Variants in LRRC37A3 observed in about 807,000 individuals in gnomAD.
LRRC37A3 encodes the protein leucine rich repeat containing 37 member A3, also known as leucine-rich repeat-containing protein 37A3.
Under a neutral mutation model 106.2 loss-of-function variants are expected in LRRC37A3, and 25 were observed. The ratio of observed to expected loss-of-function variants is 0.24; its 90% CI spans 0.17 to 0.33. LRRC37A3 has a LOEUF of 0.33. Among genes scored for constraint, LRRC37A3 ranks in the 10% least tolerant of loss-of-function variants. LRRC37A3 has a pLI of 1.00. For synonymous variants in LRRC37A3, 305 were observed against 635.8 expected (o/e 0.48, Z 7.83); for missense variants, 712 against 1,644.9 (o/e 0.43, Z 9.81).
chr17:64,911,151 G>A (rs1974581069), intron 2 of LRRC37A3, among the ~76,000 whole-genome samples: 2 of 151,548 alleles, frequency 1.3e-5, no homozygotes, highest in Non-Finnish European at 2.9e-5. Flanking sequence ...ATATTTTAAA[G>A]AGCTTAAGAG....
chr17:64,859,071 G>A (rs1193506804), intron 12 of LRRC37A3, among the ~76,000 whole-genome samples, 188 bp from the exon 13 acceptor site: 1 of 151,994 alleles, frequency 6.6e-6, no homozygotes, highest in Non-Finnish European at 1.5e-5. Flanking sequence ...TCCCACCTCA[G>A]CCTCCCAAGT....
At chr17:64,901,871 GCCACTGTAGA>G (rs1974319654) in intron 2 of LRRC37A3, among the ~76,000 whole-genome samples, 1 of 136,948 alleles carries the variant, frequency 7.3e-6, no homozygotes, top group Non-Finnish European at 1.5e-5. Flanking sequence ...TGACATTTGT[GCCACTGTAGA>G]ACTGAATAGG....
At chr17:64,856,629 G>A (rs1388115332) in intron 13 of LRRC37A3, among the ~76,000 whole-genome samples, 1 of 149,632 alleles carries the variant, frequency 6.7e-6, no homozygotes, top group Non-Finnish European at 1.5e-5. Flanking sequence ...ATGTGGACCT[G>A]CTGATGAAGA....
chr17:64,900,006 G>A (rs1452024779), intron 2 of LRRC37A3: 1 of 142,736 alleles, frequency 7.0e-6, no homozygotes, highest in East Asian at 2.2e-4. Context: ...TACTGGCAAT[G>A]TTATCCAACC....
At chr17:64,854,960 C>T (rs999374731) in intron 14 of LRRC37A3, among the ~76,000 whole-genome samples, 2 of 152,216 alleles carry the variant, frequency 1.3e-5, no homozygotes, top group East Asian at 1.9e-4. Flanking sequence ...GCCTCAGCCT[C>T]CCAAGTAGCT....
At chr17:64,874,293 G>T (rs1368399644) in intron 8 of LRRC37A3, among the ~76,000 whole-genome samples, 1 of 152,194 alleles carries the variant, frequency 6.6e-6, no homozygotes, top group Non-Finnish European at 1.5e-5. Context: ...CCTCTGCCCG[G>T]CCGCGACCCC....
chr17:64,858,137 G>C (rs931689863), intron 13 of LRRC37A3, among the ~76,000 whole-genome samples: 3 of 152,134 alleles, frequency 2.0e-5, no homozygotes, highest in Non-Finnish European at 2.9e-5. Context: ...TGTCTCACAT[G>C]GTGTCCAAGA....
At chr17:64,855,339 C>T (rs1467374888) in intron 14 of LRRC37A3, among the ~76,000 whole-genome samples, 5 of 151,038 alleles carry the variant, frequency 3.3e-5, no homozygotes, top group African/African-American at 4.9e-5. Flanking sequence ...CTCTCACACC[C>T]GGTGGCCTTC....
At chr17:64,910,134 T>C (rs1974555495) in intron 2 of LRRC37A3, 2 of 152,352 alleles carry the variant, frequency 1.3e-5, no homozygotes, top group Non-Finnish European at 1.5e-5. Context: ...GGTCATAATC[T>C]GTTATTTAAT....
chr17:64,863,873 AC>A (rs1483985270), intron 10 of LRRC37A3, among the ~76,000 whole-genome samples: 4 of 151,848 alleles, frequency 2.6e-5, no homozygotes, highest in African/African-American at 9.7e-5. Flanking sequence ...GCAAAATTAT[AC>A]CTCATTGCAG....
chr17:64,890,703 G>A (rs1462458570), intron 5 of LRRC37A3, among the ~76,000 whole-genome samples: 1 of 145,852 alleles, frequency 6.9e-6, no homozygotes, highest in Non-Finnish European at 1.5e-5. Flanking sequence ...GTGATGGAGG[G>A]CACCTGTAAT....
At position 64,863,284 on chromosome 17, in the gene LRRC37A3, C is replaced by A; in HGVS notation, c.3054-266G>T. On this transcript the variant is annotated intron_variant, in intron 10 of 14. Coordinates refer to ENST00000584306, the MANE Select transcript of LRRC37A3 (RefSeq NM_199340.5). ...CAGTGATTAGTAGTTTCAGAAGTATCTCTTCCCAACTCAAAAGTCTCACTT... is the reference window on the plus strand; with the variant it reads ...CAGTGATTAGTAGTTTCAGAAGTATATCTTCCCAACTCAAAAGTCTCACTT... The A allele has an allele frequency of 8.6e-6, 4 of 466,962 alleles. No individual in the cohort carries two copies. In the South Asian group the frequency reaches 9.6e-5, roughly 11 times the overall value. 28.9% of individuals were successfully genotyped at this position (466,962 alleles called of 1,614,324 possible).
intron 2 of LRRC37A3, chr17:64,910,151 C>T (rs1354899358): frequency 6.6e-6 from 1 of 152,362 alleles, no homozygotes; most frequent in South Asian, 2.1e-4. Flanking sequence ...TAATTAATTT[C>T]TCGTATTTTT....
intron 13 of LRRC37A3, among the ~76,000 whole-genome samples, chr17:64,858,055 T>A (rs1972739453): frequency 2.0e-5 from 3 of 152,174 alleles, no homozygotes; most frequent in African/African-American, 4.8e-5. Context: ...TAAACAGGAC[T>A]TGCCCCAGAG....
intron 2 of LRRC37A3, among the ~76,000 whole-genome samples, chr17:64,916,387 C>A (rs1328304496): frequency 6.6e-6 from 1 of 152,052 alleles, no homozygotes; most frequent in East Asian, 1.9e-4. Flanking sequence ...CCTGGCGACA[C>A]AGCGAGACTC....
intron 10 of LRRC37A3, among the ~76,000 whole-genome samples, chr17:64,865,924 C>T (rs1425146778): frequency 1.3e-5 from 2 of 152,134 alleles, no homozygotes; most frequent in Non-Finnish European, 2.9e-5. Context: ...TTAAAGTATA[C>T]TGACAAATCT....
chr17:64,877,654 C>T (rs559987123), intron 8 of LRRC37A3, among the ~76,000 whole-genome samples: 35 of 152,164 alleles, frequency 2.3e-4, no homozygotes, highest in Non-Finnish European at 4.3e-4. Flanking sequence ...CAGAAAGTGA[C>T]AAGCTAGTTC....
chr17:64,870,237 C>A (rs1234608638), intron 8 of LRRC37A3, among the ~76,000 whole-genome samples: 6 of 152,040 alleles, frequency 3.9e-5, no homozygotes, highest in African/African-American at 1.5e-4. Context: ...ATTACAGGTG[C>A]CCGCCACCAT....
chr17:64,860,872 G>C lies in LRRC37A3; in HGVS notation c.3274C>G (p.Pro1092Ala), dbSNP rs756192580. The change falls in exon 12 of 15, where the codon CCC (proline) becomes GCC (alanine). Residue 1092 changes from proline (P) to alanine (A), a missense_variant. Pro to Ala is a conservative substitution (Grantham distance 27). Transcript: ENST00000584306. ...AAGTTGATGCCACTGCTGTCTGAGG[G>C]CTCCTCCGGCTCAATAATCAGCTCA... ...STELIIEPEEPSDSSGINLSG... is the reference protein window; with the variant it reads ...STELIIEPEEASDSSGINLSG... 1 of 1,614,154 alleles carries C rather than the reference G, an allele frequency of 6.2e-7. No homozygotes were observed. Among genetic ancestry groups the C allele is most frequent in the Admixed American group, 1.7e-5 (1 of 60,018 alleles).
Sources: allele counts gnomAD v4.1 joint callset (sites outside exome capture counted in the v4.1 genomes callset), GRCh38; gene constraint gnomAD v4.1.1; transcripts MANE v1.5; gene names NCBI Gene and HGNC (gene_info 2026-07-23, HGNC 2026-07-21).